The following TBX15 variants were observed in gnomAD, a reference collection of about 807,000 sequenced individuals.
TBX15 encodes T-box transcription factor 15.
A neutral mutation model predicts 53.9 loss-of-function variants in TBX15; 18 were observed. That is an observed-to-expected ratio of 0.33 (90% CI 0.23 to 0.49). TBX15 has a LOEUF of 0.49. TBX15 is among the 20% of genes least tolerant of loss of function. The pLI is 0.98. For missense variants in TBX15, 692 were observed against 749.5 expected (o/e 0.92, Z 0.90); for synonymous variants, 295 against 278.0 (o/e 1.06, Z -0.61).
rs1391952030 is a variant in TBX15 at position 118,924,577 on chromosome 1, G to A, written c.693+69C>T. ...TTATTTTACCTATTTGAAAAAGACTGGGGCTAGCCAGCTCTAAAGCAAACA... is the reference window on the plus strand; with the variant it reads ...TTATTTTACCTATTTGAAAAAGACTAGGGCTAGCCAGCTCTAAAGCAAACA... On this transcript the variant is annotated intron_variant, in intron 4 of 7. Transcript: ENST00000369429. 6 of 1,586,706 alleles carry A rather than the reference G, an allele frequency of 3.8e-6. No homozygotes were observed. In the Admixed American group the frequency reaches 6.7e-5, roughly 18 times the overall value.
At chr1:118,919,692 A>G (rs1163669002) in intron 5 of TBX15, among the ~76,000 whole-genome samples, 1 of 152,208 alleles carries the variant, frequency 6.6e-6, no homozygotes, top group Non-Finnish European at 1.5e-5. Flanking sequence ...ATTCAGTGCT[A>G]TGCAATATAG....
At chr1:118,948,370 A>G (rs1656408897) in intron 1 of TBX15, among the ~76,000 whole-genome samples, 1 of 151,932 alleles carries the variant, frequency 6.6e-6, no homozygotes, top group Non-Finnish European at 1.5e-5. Context: ...TGCTCTAATT[A>G]TTTTCAGCAA....
At chr1:118,896,574 G>C (rs1654431373) in intron 7 of TBX15, among the ~76,000 whole-genome samples, 1 of 152,088 alleles carries the variant, frequency 6.6e-6, no homozygotes, top group Non-Finnish European at 1.5e-5. Context: ...ATGGACAATT[G>C]GATAAGTCAG....
intron 5 of TBX15, among the ~76,000 whole-genome samples, chr1:118,922,433 T>C (rs1369331565): frequency 6.6e-6 from 1 of 152,188 alleles, no homozygotes. Context: ...CTGACTACTA[T>C]TAATTAGATG....
rs568452570 is a variant in TBX15 at position 118,920,422 on chromosome 1, G to A, written c.861+3014C>T. On this transcript the variant is annotated intron_variant, in intron 5 of 7. Coordinates refer to ENST00000369429, the MANE Select transcript of TBX15 (RefSeq NM_001330677.2). ...GAAGGGCATTCCTGGAAAAGAAAAA[G>A]GGACATACAAAGGCAAGGATGCTGC... 1.3e-4 allele frequency among the ~76,000 whole-genome samples: 20 copies of A among 152,246 alleles called. 1 individual carries two copies. In the East Asian group the frequency reaches 1.7e-3, roughly 13 times the overall value.
rs191230379 is a variant in TBX15 at position 118,979,744 on chromosome 1, C to T, written c.205+7847G>A. Among the ~76,000 whole-genome samples the T allele has an allele frequency of 5.4e-4, 83 of 152,340 alleles. 1 individual carries two copies. In the East Asian group the frequency reaches 0.012, roughly 23 times the overall value. The stretch of plus-strand genomic sequence containing the variant: ...AGGATGTAATTAGAGCTAAGAACAG[C>T]CGCCATCCCTCAGGGTTCCGGGTCC... On this transcript the variant is annotated intron_variant, in intron 1 of 7. Transcript: ENST00000369429.
intron 1 of TBX15, 63 bp downstream of exon 1, chr1:118,987,528 G>C (rs1350565580): frequency 1.3e-6 from 2 of 1,502,120 alleles, no homozygotes; most frequent in East Asian, 4.9e-5. Flanking sequence ...ACCCGCGACC[G>C]GCGACTGGCC....
Position 118,931,763 on chromosome 1 carries a change from T to A in TBX15, c.275A>T (p.His92Leu). Reference protein sequence around the residue: ...TERTSCSFSTHTDLASGAAGP... With the variant: ...TERTSCSFSTLTDLASGAAGP... ...TGCAGCACCAGAGGCCAGGTCAGTG[T>A]GAGTACTGAAGGAGCAGGAAGTCCG... The change falls in exon 2 of 8, where the codon CAC becomes CTC. Residue 92 changes from histidine to leucine, a missense_variant. By Grantham distance (99) the His-to-Leu change is moderately conservative. Transcript: ENST00000369429. 1 of 1,612,666 alleles carries A rather than the reference T, an allele frequency of 6.2e-7. No homozygotes were observed. Among genetic ancestry groups the A allele is most frequent in the Non-Finnish European group, 8.5e-7 (1 of 1,179,280 alleles).
chr1:118,885,169 C>T lies in TBX15; in HGVS notation c.1372G>A (p.Gly458Ser), dbSNP rs1192707957. The change falls in exon 8 of 8, where the codon GGC becomes AGC. Residue 458 changes from glycine to serine, a missense_variant. Physicochemically the swap from Gly to Ser is moderately conservative, Grantham distance 56. Coordinates refer to ENST00000369429, the MANE Select transcript of TBX15 (RefSeq NM_001330677.2). ...CCGTAGGCTTCCATCTTGCTGTTGC[C>T]AGGCAACGAGGGAGGAGTTGGTATT... ...SGIPTPPSLP[G>S]NSKMEAYGGQ... The T allele has an allele frequency of 6.2e-7, 1 of 1,614,064 alleles. No homozygotes were observed. Among genetic ancestry groups the T allele is most frequent in the Non-Finnish European group, 8.5e-7 (1 of 1,180,038 alleles).
chr1:118,981,303 TACACACACAC>T (rs35594301), intron 1 of TBX15, among the ~76,000 whole-genome samples: 7 of 146,828 alleles, frequency 4.8e-5, no homozygotes, highest in East Asian at 2.0e-4. Flanking sequence ...TTAAACTAGC[TACACACACAC>T]ACACACACAC....
chr1:118,977,047 C>T (rs1657457948), intron 1 of TBX15, among the ~76,000 whole-genome samples: 1 of 152,148 alleles, frequency 6.6e-6, no homozygotes, highest in Admixed American at 6.5e-5. Context: ...TTAGTGAACA[C>T]ATTTATTATT....
chr1:118,910,121 G>A (rs895422911), intron 6 of TBX15, among the ~76,000 whole-genome samples: 1 of 152,062 alleles, frequency 6.6e-6, no homozygotes, highest in African/African-American at 2.4e-5. Flanking sequence ...TTGAGCCTCT[G>A]GATTGTACTA....
chr1:118,900,451 T>C (rs1048183975), intron 6 of TBX15, among the ~76,000 whole-genome samples: 2 of 152,220 alleles, frequency 1.3e-5, no homozygotes, highest in Admixed American at 1.3e-4. Flanking sequence ...GATGAGCTGC[T>C]GATACGCTGA....
At chr1:118,899,719 G>A (rs1007517107) in intron 6 of TBX15, among the ~76,000 whole-genome samples, 4 of 152,168 alleles carry the variant, frequency 2.6e-5, no homozygotes, top group African/African-American at 4.8e-5. Flanking sequence ...GATAAAGAAA[G>A]GGCTTGGTCT....
At chr1:118,894,991 G>T (rs1654372334) in intron 7 of TBX15, among the ~76,000 whole-genome samples, 1 of 152,114 alleles carries the variant, frequency 6.6e-6, no homozygotes, top group Non-Finnish European at 1.5e-5. Context: ...TGATAAATGA[G>T]ATCTGTATAA....
intron 1 of TBX15, among the ~76,000 whole-genome samples, chr1:118,975,678 G>A (rs1657400075): frequency 6.6e-6 from 1 of 152,180 alleles, no homozygotes; most frequent in African/African-American, 2.4e-5. Context: ...CTTCCTCAAG[G>A]CCTATTGGGT....
At chr1:118,964,620 T>A (rs1656983642) in intron 1 of TBX15, among the ~76,000 whole-genome samples, 1 of 152,334 alleles carries the variant, frequency 6.6e-6, no homozygotes, top group Non-Finnish European at 1.5e-5. Context: ...TCCTTACTCA[T>A]CTACATATTG....
chr1:118,915,204 G>C (rs1655158299), intron 5 of TBX15, among the ~76,000 whole-genome samples: 1 of 152,088 alleles, frequency 6.6e-6, no homozygotes, highest in Middle Eastern at 3.2e-3. Flanking sequence ...AGGAAGGAAG[G>C]CACTCCCAAT....
At chr1:118,975,256 T>A (rs1383318189) in intron 1 of TBX15, among the ~76,000 whole-genome samples, 3 of 152,184 alleles carry the variant, frequency 2.0e-5, no homozygotes, top group Non-Finnish European at 4.4e-5. Flanking sequence ...AGACCATGGC[T>A]TAGAAAACAA....
Sources: gnomAD v4.1 joint callset for allele counts (sites outside exome capture counted in the v4.1 genomes callset) on GRCh38, gnomAD v4.1.1 for gene constraint, MANE v1.5 for transcripts, NCBI Gene and HGNC (gene_info 2026-07-23, HGNC 2026-07-21) for gene names.